The following TDRD12 variants were observed in gnomAD, a reference collection of about 807,000 sequenced individuals.
The protein encoded by TDRD12 is tudor domain containing 12.
Under a neutral mutation model 133.5 loss-of-function variants are expected in TDRD12, and 158 were observed. The ratio of observed to expected loss-of-function variants is 1.18; its 90% CI spans 1.04 to 1.35. TDRD12 has a LOEUF of 1.35. Ranked by LOEUF, TDRD12 falls within the 40% of genes most tolerant of loss-of-function variation. The probability of loss-of-function intolerance (pLI) is 0.00; values close to 1 mark genes in which losing one functional copy is unlikely to be tolerated. For synonymous variants in TDRD12, 460 were observed against 477.9 expected (o/e 0.96, Z 0.49); for missense variants, 1,443 against 1,321.3 (o/e 1.09, Z -1.43).
At chr19:32,791,875 G>A (rs1362258008) in intron 13 of TDRD12, among the ~76,000 whole-genome samples, 2 of 151,870 alleles carry the variant, frequency 1.3e-5, no homozygotes, top group African/African-American at 2.4e-5. Flanking sequence ...CTCCAGTTGG[G>A]CGTTAGTGTC....
chr19:32,797,635 G>A (rs1267191410), intron 14 of TDRD12, 100 bp from the exon 15 acceptor site: 5 of 537,824 alleles, frequency 9.3e-6, no homozygotes, highest in Admixed American at 3.3e-5. Context: ...AGAAACTTAC[G>A]GGGTGCTGCT....
chr19:32,752,790 CTTTT>C (rs770183335), intron 6 of TDRD12, among the ~76,000 whole-genome samples: 6 of 130,118 alleles, frequency 4.6e-5, no homozygotes, highest in Admixed American at 1.6e-4. Flanking sequence ...CCACTTCTTC[CTTTT>C]TTTTTTTTTT....
chr19:32,791,548 G>A (rs1166741479), intron 13 of TDRD12, among the ~76,000 whole-genome samples: 2 of 152,058 alleles, frequency 1.3e-5, no homozygotes, highest in Non-Finnish European at 2.9e-5. Context: ...AGGACAAATA[G>A]CATGAGAGAG....
chr19:32,746,306 G>GAC (rs1185223916), intron 4 of TDRD12, among the ~76,000 whole-genome samples: 3 of 145,190 alleles, frequency 2.1e-5, no homozygotes, highest in Admixed American at 6.8e-5. Flanking sequence ...GTGTGACAGA[G>GAC]GGGGAGAGAG....
intron 8 of TDRD12, among the ~76,000 whole-genome samples, chr19:32,759,594 G>A (rs1359558505): frequency 6.6e-6 from 1 of 152,070 alleles, no homozygotes; most frequent in Non-Finnish European, 1.5e-5. Context: ...ACTCCAGCCT[G>A]GGCGAGTGAG....
intron 3 of TDRD12, among the ~76,000 whole-genome samples, chr19:32,739,294 C>T (rs1291008811): frequency 6.9e-6 from 1 of 145,130 alleles, no homozygotes; most frequent in Non-Finnish European, 1.5e-5. Context: ...CATCTCCTGG[C>T]TACTCTCTGC....
intron 12 of TDRD12, 135 bp from the exon 13 acceptor site, chr19:32,790,829 T>G: frequency 7.3e-7 from 1 of 1,361,610 alleles, no homozygotes; most frequent in Admixed American, 2.9e-5. Flanking sequence ...TTTTTTTTTC[T>G]TTTTTTTTAA....
In TDRD12 at chr19:32,798,450, A is replaced by G; in HGVS notation, c.1758+15A>G. The G allele has an allele frequency of 6.5e-7, 1 of 1,527,640 alleles. No individual in the cohort carries two copies. The highest frequency in any genetic ancestry group is 8.8e-7 in the Non-Finnish European group (1 of 1,139,852). The allele number at this position is 1,527,640 out of a possible 1,614,324, so 94.6% of individuals were successfully genotyped here. A position where few individuals can be genotyped will look rare whatever the true frequency, so the allele number is the denominator to read the frequency against. On this transcript the variant is annotated intron_variant, in intron 16 of 27. Transcript: ENST00000444215. ...CCAATGAACAGGTGAGCGTGGCTTA[A>G]GGTCCTCAGCACTCAGAAGAGAGGC... is the stretch of plus-strand genomic sequence containing the variant.
At chr19:32,802,608 G>T in intron 19 of TDRD12, 48 bp from the exon 20 acceptor site, 1 of 1,519,258 alleles carries the variant, frequency 6.6e-7, no homozygotes, top group East Asian at 2.5e-5. Flanking sequence ...GTTAAAGTAA[G>T]TGCGGTAACT....
intron 21 of TDRD12, 93 bp from the exon 22 acceptor site, chr19:32,807,456 T>C (rs1430635748): frequency 1.2e-6 from 1 of 803,364 alleles, no homozygotes; most frequent in Non-Finnish European, 1.9e-6. Flanking sequence ...AGTTATCTGA[T>C]TTAGGTTGCA....
intron 2 of TDRD12, among the ~76,000 whole-genome samples, chr19:32,738,586 C>T (rs559654211): frequency 6.6e-5 from 10 of 152,252 alleles, no homozygotes; most frequent in Non-Finnish European, 1.2e-4. Context: ...GAGGCTGAGG[C>T]GGGCGGATCA....
chr19:32,744,998 C>A (rs1347346834), intron 4 of TDRD12, among the ~76,000 whole-genome samples: 1 of 151,658 alleles, frequency 6.6e-6, no homozygotes, highest in African/African-American at 2.4e-5. Context: ...TTGCGGCTGG[C>A]GTGGCATCTA....
chr19:32,803,025 C>A, exon 21 of TDRD12: 1 of 1,535,884 alleles, frequency 6.5e-7, no homozygotes, highest in Non-Finnish European at 8.7e-7. Flanking sequence ...TTGGAGCGAG[C>A]GGACGCCAAG....
In TDRD12 at chr19:32,801,885, A is replaced by T. The variant is rs2145699823; in HGVS notation, c.2197+12A>T. 2.9e-6 allele frequency: 3 copies of T among 1,026,098 alleles called. No homozygotes were observed. The East Asian group carries it at 8.5e-5, about 29-fold the overall frequency. The allele number at this position is 1,026,098 out of a possible 1,614,324, so 63.6% of individuals were successfully genotyped here. On this transcript the variant is annotated intron_variant, in intron 19 of 27. Transcript: ENST00000444215. Reference sequence around the variant, plus strand: ...TCAAATTATATTAGGTAAGTGTTTTAATTTCTACTTCTATTTAGTGAAGGT... The same window carrying T: ...TCAAATTATATTAGGTAAGTGTTTTTATTTCTACTTCTATTTAGTGAAGGT...
At chr19:32,791,168 C>T in intron 13 of TDRD12, 100 bp downstream of exon 13, 1 of 1,252,668 alleles carries the variant, frequency 8.0e-7, no homozygotes, top group Admixed American at 2.9e-5. Context: ...TGTATAATTT[C>T]TTTGCTTTTG....
chr19:32,822,299 G>C (rs577741684), downstream of TDRD12, among the ~76,000 whole-genome samples: 31 of 152,082 alleles, frequency 2.0e-4, no homozygotes, highest in Non-Finnish European at 4.4e-4. Flanking sequence ...AGCTGTGGTG[G>C]CGCACGCCTG....
chr19:32,801,345 C>T (rs1041387760), intron 18 of TDRD12, among the ~76,000 whole-genome samples: 1 of 152,038 alleles, frequency 6.6e-6, no homozygotes, highest in Non-Finnish European at 1.5e-5. Flanking sequence ...AGAAATGAAG[C>T]CAACTACCAA....
At chr19:32,734,876 T>C (rs1366282151) in intron 2 of TDRD12, among the ~76,000 whole-genome samples, 2 of 152,284 alleles carry the variant, frequency 1.3e-5, no homozygotes, top group East Asian at 3.9e-4. Context: ...TATTATTCTA[T>C]CTGTTATAGT....
chr19:32,737,175 G>A (rs927089042), intron 2 of TDRD12, among the ~76,000 whole-genome samples: 1 of 152,092 alleles, frequency 6.6e-6, no homozygotes, highest in Non-Finnish European at 1.5e-5. Context: ...ATAAGTCAGG[G>A]ACTGTGCACT....
Sources: allele counts gnomAD v4.1 joint callset (sites outside exome capture counted in the v4.1 genomes callset), GRCh38; gene constraint gnomAD v4.1.1; transcripts MANE v1.5; gene names NCBI Gene and HGNC (gene_info 2026-07-23, HGNC 2026-07-21).